Variants in ME1 observed in about 807,000 individuals in gnomAD.
ME1 encodes the protein malic enzyme 1.
Under a neutral mutation model 66.4 loss-of-function variants are expected in ME1, and 74 were observed. The observed-to-expected ratio is 1.11, with a 90% CI of 0.92 to 1.35. ME1 has a LOEUF of 1.35. Among genes scored for constraint, ME1 ranks in the 40% most tolerant of loss-of-function variants. The pLI is 0.00. For synonymous variants in ME1, 251 were observed against 235.6 expected, an observed-to-expected ratio of 1.07 and a Z score of -0.60; for missense variants, 750 against 694.1, an observed-to-expected ratio of 1.08 and a Z score of -0.90.
chr6:83,301,087 C>A (rs1767706729), intron 6 of ME1, among the ~76,000 whole-genome samples: 1 of 151,996 alleles, frequency 6.6e-6, no homozygotes, highest in South Asian at 2.1e-4. Flanking sequence ...AGGAGATATA[C>A]CTAATGTAAA....
At chr6:83,347,198 C>T (rs1458716699) in intron 4 of ME1, among the ~76,000 whole-genome samples, 2 of 152,218 alleles carry the variant, frequency 1.3e-5, no homozygotes, top group African/African-American at 4.8e-5. Flanking sequence ...GTGATCCACC[C>T]GTCTCAGCCT....
chr6:83,246,543 T>C (rs1007083840), intron 7 of ME1, among the ~76,000 whole-genome samples: 5 of 152,140 alleles, frequency 3.3e-5, no homozygotes, highest in Non-Finnish European at 7.4e-5. Context: ...CCTAACCATG[T>C]CTATAATATA....
At chr6:83,268,752 A>ATTATTATTATTATTATTATT (rs1767033469) in intron 6 of ME1, among the ~76,000 whole-genome samples, 1 of 149,554 alleles carries the variant, frequency 6.7e-6, no homozygotes, top group African/African-American at 2.5e-5. Flanking sequence ...TATTATTATT[A>ATTATTATTATTATTATTATT]TTATTATTAT....
intron 3 of ME1, among the ~76,000 whole-genome samples, chr6:83,355,199 C>T (rs908337967): frequency 7.9e-5 from 12 of 151,990 alleles, no homozygotes; most frequent in African/African-American, 2.9e-4. Flanking sequence ...TATTTTTGAA[C>T]TTTTTAAAGA....
chr6:83,237,619 T>C, intron 9 of ME1, 98 bp downstream of exon 9: 1 of 592,726 alleles, frequency 1.7e-6, no homozygotes, highest in South Asian at 2.3e-5. Context: ...TCTTTTAATA[T>C]AGTGTAAAGG....
intron 12 of ME1, among the ~76,000 whole-genome samples, chr6:83,220,808 G>T (rs1790078395): frequency 6.6e-6 from 1 of 152,054 alleles, no homozygotes; most frequent in Non-Finnish European, 1.5e-5. Flanking sequence ...GCCTAGCATG[G>T]TGCTAGATAC....
intron 3 of ME1, among the ~76,000 whole-genome samples, chr6:83,371,689 T>C (rs1414111191): frequency 2.0e-5 from 3 of 152,152 alleles, no homozygotes; most frequent in Non-Finnish European, 4.4e-5. Flanking sequence ...AAGAAAACGA[T>C]CCCTTCAATT....
At chr6:83,422,237 C>T (rs188897990) in intron 1 of ME1, among the ~76,000 whole-genome samples, 6 of 152,226 alleles carry the variant, frequency 3.9e-5, no homozygotes, top group East Asian at 3.9e-4. Flanking sequence ...ATCCACTGGG[C>T]GGTACACATA....
intron 11 of ME1, among the ~76,000 whole-genome samples, 198 bp downstream of exon 11, chr6:83,227,137 T>A (rs1210213550): frequency 1.3e-5 from 2 of 152,188 alleles, no homozygotes; most frequent in African/African-American, 4.8e-5. Context: ...AAAATATGTA[T>A]TTTATTTTGT....
intron 6 of ME1, among the ~76,000 whole-genome samples, chr6:83,310,518 G>C (rs1327935542): frequency 1.3e-5 from 2 of 152,164 alleles, no homozygotes; most frequent in Non-Finnish European, 2.9e-5. Flanking sequence ...GTCTGAGAAA[G>C]CTGGTAATAA....
Position 83,398,503 on chromosome 6 carries a change from T to C in ME1, c.226A>G (p.Met76Val). The C allele has an allele frequency of 6.5e-7, 1 of 1,548,608 alleles. No homozygotes were observed. Among genetic ancestry groups the C allele is most frequent in the Non-Finnish European group, 8.8e-7 (1 of 1,139,638 alleles). Reference protein sequence around the residue: ...NSDFDRYLLLMDLQDRNEKLF... With the variant: ...NSDFDRYLLLVDLQDRNEKLF... ...TTTTCATTTCTATCTTGGAGATCCA[T>C]TAAGAGAAGATACCTGTAAAAATTG... Residue 76 changes from methionine to valine, a missense_variant, in exon 3 of 14, where the codon ATG becomes GTG. Coordinates refer to ENST00000369705, the MANE Select transcript of ME1 (RefSeq NM_002395.6).
chr6:83,359,333 C>T (rs1768960203), intron 3 of ME1, among the ~76,000 whole-genome samples: 1 of 152,136 alleles, frequency 6.6e-6, no homozygotes, highest in Non-Finnish European at 1.5e-5. Flanking sequence ...GAAAGTGTGA[C>T]CCATGAGGAG....
intron 6 of ME1, among the ~76,000 whole-genome samples, chr6:83,263,568 G>A (rs577150378): frequency 8.3e-4 from 127 of 152,158 alleles, no homozygotes; most frequent in Non-Finnish European, 1.6e-3. Context: ...TAGGGAGAAC[G>A]TTTGAGTGAT....
At chr6:83,430,057 A>G (rs561055747) in intron 1 of ME1, among the ~76,000 whole-genome samples, 17 of 152,342 alleles carry the variant, frequency 1.1e-4, no homozygotes, top group African/African-American at 3.4e-4. Flanking sequence ...TCACCAGTGA[A>G]GGAAAATGAA....
At chr6:83,374,223 G>T (rs1421540465) in intron 3 of ME1, among the ~76,000 whole-genome samples, 5 of 152,188 alleles carry the variant, frequency 3.3e-5, no homozygotes, top group Non-Finnish European at 7.3e-5. Context: ...CACGAACAAT[G>T]TAAAAGCATT....
At chr6:83,321,274 C>G (rs1768167976) in intron 5 of ME1, among the ~76,000 whole-genome samples, 1 of 152,088 alleles carries the variant, frequency 6.6e-6, no homozygotes, top group Non-Finnish European at 1.5e-5. Context: ...TTTTTCCATA[C>G]CCCAGTGGCA....
Position 83,237,715 on chromosome 6 carries a change from A to G in ME1, c.1026+2T>C, listed in dbSNP as rs1287787121. 7 of 1,540,718 alleles carry G rather than the reference A, an allele frequency of 4.5e-6. No individual in the cohort carries two copies. The highest frequency in any genetic ancestry group is 6.2e-6 in the Non-Finnish European group (7 of 1,124,468). ...TTCTGGTTAAAAATGACAAATTCTT[A>G]CCTTAACTATTAATCCTTTTGAATC... is the stretch of plus-strand genomic sequence containing the variant. On this transcript the variant is annotated splice_donor_variant, in intron 9 of 13. Coordinates refer to ENST00000369705, the MANE Select transcript of ME1 (RefSeq NM_002395.6). LOFTEE classifies it high-confidence loss of function.
chr6:83,349,673 T>C (rs1307587850), intron 4 of ME1, among the ~76,000 whole-genome samples: 1 of 152,212 alleles, frequency 6.6e-6, no homozygotes, highest in Non-Finnish European at 1.5e-5. Flanking sequence ...CTAAAATCTG[T>C]TTCCAGTGAA....
At chr6:83,382,618 T>C (rs1769427652) in intron 3 of ME1, among the ~76,000 whole-genome samples, 1 of 152,008 alleles carries the variant, frequency 6.6e-6, no homozygotes, top group Non-Finnish European at 1.5e-5. Context: ...AAGTAAACAC[T>C]CCAGTATTTG....
Sources: gnomAD v4.1 joint callset for allele counts (sites outside exome capture counted in the v4.1 genomes callset) on GRCh38, gnomAD v4.1.1 for gene constraint, MANE v1.5 for transcripts, NCBI Gene and HGNC (gene_info 2026-07-23, HGNC 2026-07-21) for gene names.